Variants in ZNF385B observed in about 807,000 individuals in gnomAD.
The protein encoded by ZNF385B is zinc finger protein 533.
Under a neutral mutation model 39.2 loss-of-function variants are expected in ZNF385B, and 23 were observed. The ratio of observed to expected loss-of-function variants is 0.59; its 90% CI spans 0.42 to 0.83. ZNF385B has a LOEUF of 0.83. Among genes scored for constraint, ZNF385B ranks in the 40% least tolerant of loss-of-function variants. The pLI, the probability that ZNF385B is intolerant of heterozygous loss-of-function variation, is 0.00. For synonymous variants in ZNF385B, 205 were observed against 222.6 expected (o/e 0.92, Z 0.70); for missense variants, 552 against 598.9 (o/e 0.92, Z 0.82).
At chr2:179,536,170 T>A (rs1216215882) in intron 4 of ZNF385B, among the ~76,000 whole-genome samples, 1 of 152,184 alleles carries the variant, frequency 6.6e-6, no homozygotes, top group Non-Finnish European at 1.5e-5. Flanking sequence ...AAGCTAAGAA[T>A]TTTTCTCTTA....
chr2:179,674,172 T>G (rs1696428363), intron 3 of ZNF385B, among the ~76,000 whole-genome samples: 1 of 152,180 alleles, frequency 6.6e-6, no homozygotes, highest in Admixed American at 6.5e-5. Flanking sequence ...AAGATTTAAA[T>G]GAACATCTAC....
intron 3 of ZNF385B, among the ~76,000 whole-genome samples, chr2:179,678,610 T>C (rs961509866): frequency 6.6e-6 from 1 of 152,202 alleles, no homozygotes; most frequent in African/African-American, 2.4e-5. Context: ...CAGACACAGA[T>C]GATTGACAAA....
At chr2:179,566,614 T>C (rs1371946067) in intron 3 of ZNF385B, among the ~76,000 whole-genome samples, 2 of 152,254 alleles carry the variant, frequency 1.3e-5, no homozygotes, top group Non-Finnish European at 2.9e-5. Context: ...AACTGTTGAT[T>C]ATAAATTGTA....
At chr2:179,701,619 G>A (rs1382591161) in intron 3 of ZNF385B, among the ~76,000 whole-genome samples, 2 of 152,186 alleles carry the variant, frequency 1.3e-5, no homozygotes, top group African/African-American at 2.4e-5. Context: ...CCACACGTGA[G>A]TTATTTTCAT....
At chr2:179,618,854 T>C (rs1215128617) in intron 3 of ZNF385B, among the ~76,000 whole-genome samples, 1 of 152,204 alleles carries the variant, frequency 6.6e-6, no homozygotes, top group East Asian at 1.9e-4. Flanking sequence ...GATCCTAAGC[T>C]TAAACTGCTC....
At chr2:179,725,787 A>G (rs998233380) in intron 3 of ZNF385B, among the ~76,000 whole-genome samples, 2 of 151,020 alleles carry the variant, frequency 1.3e-5, no homozygotes, top group African/African-American at 4.8e-5. Context: ...TTTCAAAGAA[A>G]CCCAGATTCT....
chr2:179,632,202 T>C (rs572769330), intron 3 of ZNF385B, among the ~76,000 whole-genome samples: 1 of 152,212 alleles, frequency 6.6e-6, no homozygotes, highest in South Asian at 2.1e-4. Flanking sequence ...CAAGTAGACC[T>C]AATAGACATC....
intron 1 of ZNF385B, among the ~76,000 whole-genome samples, chr2:179,785,066 C>T (rs566349926): frequency 1.1e-4 from 16 of 152,156 alleles, no homozygotes; most frequent in African/African-American, 3.9e-4. Context: ...TTTACCCATT[C>T]ACAGAATCTC....
At chr2:179,527,539 T>G (rs1049863431) in intron 4 of ZNF385B, among the ~76,000 whole-genome samples, 22 of 151,716 alleles carry the variant, frequency 1.5e-4, no homozygotes, top group African/African-American at 5.3e-4. Context: ...TTTTTTTTTT[T>G]GGAGAAATTT....
At chr2:179,763,103 C>T (rs936374971) in intron 3 of ZNF385B, among the ~76,000 whole-genome samples, 1 of 152,096 alleles carries the variant, frequency 6.6e-6, no homozygotes, top group Non-Finnish European at 1.5e-5. Flanking sequence ...TGGAGTTTCA[C>T]CATGTTGGCC....
chr2:179,499,320 CA>C (rs1159544470), intron 5 of ZNF385B, among the ~76,000 whole-genome samples: 6 of 151,746 alleles, frequency 4.0e-5, no homozygotes, highest in African/African-American at 1.4e-4. Context: ...TCTACAAGGC[CA>C]GTATTACACA....
At chr2:179,687,641 C>T (rs1364126219) in intron 3 of ZNF385B, among the ~76,000 whole-genome samples, 1 of 152,170 alleles carries the variant, frequency 6.6e-6, no homozygotes, top group Non-Finnish European at 1.5e-5. Context: ...ATCATGGGAA[C>T]ATTGAGCAGT....
At chr2:179,854,608 C>T (rs563453720) in intron 1 of ZNF385B, among the ~76,000 whole-genome samples, 3 of 152,232 alleles carry the variant, frequency 2.0e-5, no homozygotes, top group South Asian at 2.1e-4. Context: ...GGCCTCCAGA[C>T]GATGAAAACC....
At chr2:179,764,688 T>G (rs1326887496) in intron 3 of ZNF385B, among the ~76,000 whole-genome samples, 3 of 152,252 alleles carry the variant, frequency 2.0e-5, no homozygotes, top group African/African-American at 7.2e-5. Flanking sequence ...GTATCAGCAT[T>G]TAACTTTCCT....
intron 3 of ZNF385B, among the ~76,000 whole-genome samples, chr2:179,738,743 C>T (rs1486109540): frequency 6.6e-6 from 1 of 152,136 alleles, no homozygotes; most frequent in Non-Finnish European, 1.5e-5. Flanking sequence ...TCAGGATTTA[C>T]ATCAATTGTG....
intron 5 of ZNF385B, among the ~76,000 whole-genome samples, chr2:179,505,397 C>T (rs1440537518): frequency 2.0e-5 from 3 of 151,870 alleles, no homozygotes; most frequent in Admixed American, 2.0e-4. Flanking sequence ...AAAACTATAA[C>T]AACCTAACTA....
intron 1 of ZNF385B, among the ~76,000 whole-genome samples, chr2:179,833,373 C>A (rs565410577): frequency 1.1e-4 from 17 of 151,814 alleles, no homozygotes; most frequent in African/African-American, 3.9e-4. Context: ...ATGATGTATA[C>A]CTAAAAAAAC....
At chr2:179,834,033 T>C (rs1360543179) in intron 1 of ZNF385B, among the ~76,000 whole-genome samples, 1 of 152,120 alleles carries the variant, frequency 6.6e-6, no homozygotes, top group Non-Finnish European at 1.5e-5. Flanking sequence ...ATTGGAATCA[T>C]GGTTTTCTCT....
At chr2:179,667,633 T>A (rs1187675865) in intron 3 of ZNF385B, among the ~76,000 whole-genome samples, 1 of 152,130 alleles carries the variant, frequency 6.6e-6, no homozygotes, top group East Asian at 1.9e-4. Context: ...CCTCAGGAAC[T>A]GGGAAGATGT....
Sources: allele counts gnomAD v4.1 joint callset (sites outside exome capture counted in the v4.1 genomes callset), GRCh38; gene constraint gnomAD v4.1.1; transcripts MANE v1.5; gene names NCBI Gene and HGNC (gene_info 2026-07-23, HGNC 2026-07-21).